MSH4: variants seen among roughly 807,000 people sequenced by gnomAD.
The protein encoded by MSH4 is mutS homolog 4, also known as mutS protein homolog 4.
MSH4 carries 106 observed loss-of-function variants against 113.7 expected under a neutral mutation model. The ratio of observed to expected loss-of-function variants is 0.93; its 90% CI spans 0.80 to 1.10. The LOEUF is 1.10. Among genes scored for constraint, MSH4 ranks in the 50% least tolerant of loss-of-function variants. MSH4 has a pLI of 0.00. For missense variants in MSH4, 1,061 were observed against 1,093.7 expected (o/e 0.97, Z 0.42); for synonymous variants, 368 against 380.2 (o/e 0.97, Z 0.37).
At chr1:75,902,668 T>G (rs1652529476) in intron 19 of MSH4, among the ~76,000 whole-genome samples, 1 of 60,996 alleles carries the variant, frequency 1.6e-5, no homozygotes, top group African/African-American at 7.6e-5. Flanking sequence ...GTTATATATG[T>G]GTATGTATAT....
At position 75,905,779 on chromosome 1, in the gene MSH4, G is replaced by T. The variant is rs549854562; in HGVS notation, c.2619+6073G>T. On this transcript the variant is annotated intron_variant, in intron 19 of 19. Transcript: ENST00000263187. ...AATTGTTATGTCCTCTTGCTGAATTGACCCCTTTATTATTATAGAATAACA... is the reference window on the plus strand; with the variant it reads ...AATTGTTATGTCCTCTTGCTGAATTTACCCCTTTATTATTATAGAATAACA... 4.6e-5 allele frequency among the ~76,000 whole-genome samples: 7 copies of T among 152,120 alleles called. No homozygotes were observed. The South Asian group carries it at 1.5e-3, about 32-fold the overall frequency.
intron 6 of MSH4, among the ~76,000 whole-genome samples, chr1:75,817,231 A>G (rs1346746932): frequency 6.6e-6 from 1 of 152,236 alleles, no homozygotes; most frequent in Non-Finnish European, 1.5e-5. Flanking sequence ...AAGGAACTTA[A>G]TAGACATTTT....
In MSH4 at chr1:75,840,601, T is replaced by A. The variant is rs1477622525; in HGVS notation, c.1163-7608T>A. 5.3e-5 allele frequency among the ~76,000 whole-genome samples: 8 copies of A among 149,906 alleles called. No individual in the cohort carries two copies. In the East Asian group the frequency reaches 1.6e-3, roughly 30 times the overall value. On this transcript the variant is annotated intron_variant, in intron 7 of 19. Transcript: ENST00000263187. ...AGTTAATGGGTGCAGCACACCAGCA[T>A]GGTACATGTATACATATGTAACTAA... is the stretch of plus-strand genomic sequence containing the variant.
intron 15 of MSH4, among the ~76,000 whole-genome samples, chr1:75,887,129 C>G (rs1467501508): frequency 6.6e-6 from 1 of 151,968 alleles, no homozygotes; most frequent in African/African-American, 2.4e-5. Context: ...CCAAATCTCA[C>G]CTTGAATTGT....
At chr1:75,912,414 T>A (rs1652806049) in intron 19 of MSH4, among the ~76,000 whole-genome samples, 2 of 152,152 alleles carry the variant, frequency 1.3e-5, no homozygotes, top group South Asian at 4.1e-4. Flanking sequence ...TCTGACCTAT[T>A]TAGCATAATT....
chr1:75,821,900 C>T (rs1446945360), intron 6 of MSH4, among the ~76,000 whole-genome samples: 2 of 152,118 alleles, frequency 1.3e-5, no homozygotes, highest in African/African-American at 4.8e-5. Context: ...TGTGAGCAAC[C>T]GTGCGTGGCC....
chr1:75,849,820 T>C (rs1651149198), intron 8 of MSH4, among the ~76,000 whole-genome samples: 1 of 152,138 alleles, frequency 6.6e-6, no homozygotes, highest in Admixed American at 6.6e-5. Context: ...AAGCCTGGAA[T>C]TTTTTTGGTA....
At chr1:75,835,325 T>C (rs1650804720) in intron 7 of MSH4, among the ~76,000 whole-genome samples, 2 of 152,186 alleles carry the variant, frequency 1.3e-5, no homozygotes, top group Non-Finnish European at 1.5e-5. Context: ...TTCCTGTGTA[T>C]TTAGTATTGG....
At chr1:75,843,671 A>G (rs1651015468) in intron 7 of MSH4, among the ~76,000 whole-genome samples, 1 of 152,212 alleles carries the variant, frequency 6.6e-6, no homozygotes, top group Non-Finnish European at 1.5e-5. Context: ...AGGCCTCAAA[A>G]CAGTTTTAAC....
intron 15 of MSH4, among the ~76,000 whole-genome samples, chr1:75,886,525 T>C (rs1168586962): frequency 2.0e-5 from 2 of 101,360 alleles, no homozygotes; most frequent in African/African-American, 3.3e-5. Flanking sequence ...ATATATGATG[T>C]ATTATATATA....
Position 75,803,712 on chromosome 1 carries a change from G to C in MSH4, c.245-19G>C. ...TAATTCAAATCTTTAAGAATTGACT[G>C]TTAATTTTTCAAATTTAGGTTCATA... On this transcript the variant is annotated intron_variant, in intron 1 of 19. Transcript: ENST00000263187. 6.6e-7 allele frequency: 1 copy of C among 1,511,650 alleles called. No individual in the cohort carries two copies. Among genetic ancestry groups the C allele is most frequent in the Non-Finnish European group, 8.9e-7 (1 of 1,124,370 alleles). The allele number at this position is 1,511,650 out of a possible 1,614,324, so 93.6% of individuals were successfully genotyped here.
At chr1:75,911,250 G>A (rs914110080) in intron 19 of MSH4, among the ~76,000 whole-genome samples, 2 of 151,930 alleles carry the variant, frequency 1.3e-5, no homozygotes, top group African/African-American at 2.4e-5. Flanking sequence ...TCGGTTTCAC[G>A]TAATCTACAT....
At chr1:75,901,240 C>T (rs1324164623) in intron 19 of MSH4, among the ~76,000 whole-genome samples, 1 of 152,098 alleles carries the variant, frequency 6.6e-6, no homozygotes, top group South Asian at 2.1e-4. Context: ...ACTGAACTAT[C>T]GTACACTAGA....
At chr1:75,886,500 T>A (rs1293710677) in intron 15 of MSH4, among the ~76,000 whole-genome samples, 1 of 111,656 alleles carries the variant, frequency 9.0e-6, no homozygotes, top group South Asian at 2.7e-4. Context: ...TTATATATGA[T>A]GTATTATATA....
chr1:75,859,062 A>G (rs895747472), intron 8 of MSH4, among the ~76,000 whole-genome samples: 5 of 152,160 alleles, frequency 3.3e-5, no homozygotes, highest in Non-Finnish European at 7.4e-5. Flanking sequence ...AGAGGTGTTT[A>G]TAGTATTCTC....
At position 75,881,162 on chromosome 1, in the gene MSH4, A is replaced by C. The variant is rs1011621305; in HGVS notation, c.1782-84A>C. 5.7e-6 allele frequency: 6 copies of C among 1,052,636 alleles called. No individual in the cohort carries two copies. The African/African-American group carries it at 8.0e-5, about 14-fold the overall frequency. 65.2% of individuals were successfully genotyped at this position (1,052,636 alleles called of 1,614,324 possible). A position where few individuals can be genotyped will look rare whatever the true frequency, so the allele number is the denominator to read the frequency against. On this transcript the variant is annotated intron_variant, in intron 13 of 19. Coordinates refer to ENST00000263187, the MANE Select transcript of MSH4 (RefSeq NM_002440.4). ...ATGTGAATATTATTTTACTTCAGGC[A>C]ATGAATTTAATATTATTTTACGATT...
At chr1:75,900,652 A>G (rs75330165) in intron 19 of MSH4, among the ~76,000 whole-genome samples, 3,240 of 152,192 alleles carry the variant, frequency 0.021, 113 homozygotes, top group African/African-American at 0.074. Flanking sequence ...AAACTGACCT[A>G]GGTGCAGTGT....
At position 75,848,272 on chromosome 1, in the gene MSH4, A is replaced by G. The variant is rs1303728698; in HGVS notation, c.1226A>G (p.Asp409Gly). The change falls in exon 8 of 20, where the codon GAC becomes GGC. Residue 409 changes from aspartate (D) to glycine (G), a missense_variant. Asp to Gly is a moderately conservative substitution (Grantham distance 94). Transcript: ENST00000263187. ...GTTTTAGTCCAAATTCCAAAGCAAG[A>G]CACGGTATGTTTTTGTATACATTTT... ...LSVLVQIPKQ[D>G]TVNAAESKIT... The G allele has an allele frequency of 6.3e-7, 1 of 1,595,780 alleles. No individual in the cohort carries two copies. The highest frequency in any genetic ancestry group is 8.6e-7 in the Non-Finnish European group (1 of 1,164,724).
chr1:75,904,444 T>C (rs1173988281), intron 19 of MSH4, among the ~76,000 whole-genome samples: 1 of 152,178 alleles, frequency 6.6e-6, no homozygotes, highest in Non-Finnish European at 1.5e-5. Context: ...TTGCTATTCA[T>C]TCTTCTTTAA....
Sources: gnomAD v4.1 joint callset for allele counts (sites outside exome capture counted in the v4.1 genomes callset) on GRCh38, gnomAD v4.1.1 for gene constraint, MANE v1.5 for transcripts, NCBI Gene and HGNC (gene_info 2026-07-23, HGNC 2026-07-21) for gene names.